Variants in PPP6R1 observed in about 807,000 individuals in gnomAD.
PPP6R1 encodes the protein serine/threonine-protein phosphatase 6 regulatory subunit 1.
Under a neutral mutation model 104.6 loss-of-function variants are expected in PPP6R1, and 39 were observed. The ratio of observed to expected loss-of-function variants is 0.37; its 90% confidence interval spans 0.29 to 0.49. PPP6R1 has a LOEUF of 0.49. Among genes scored for constraint, PPP6R1 ranks in the 20% least tolerant of loss-of-function variants. The pLI is 0.98. For synonymous variants in PPP6R1, 549 were observed against 479.0 expected, an observed-to-expected ratio of 1.15 and a Z score of -1.91; for missense variants, 1,181 against 1,155.8, an observed-to-expected ratio of 1.02 and a Z score of -0.32.
intron 15 of PPP6R1, among the ~76,000 whole-genome samples, chr19:55,237,343 C>T (rs576159991): frequency 2.0e-4 from 31 of 152,228 alleles, no homozygotes; most frequent in African/African-American, 7.5e-4. Flanking sequence ...CTGTAGGAGG[C>T]TGACACTCAC....
chr19:55,234,181 A>C (rs1568943726), intron 17 of PPP6R1, among the ~76,000 whole-genome samples: 1 of 152,192 alleles, frequency 6.6e-6, no homozygotes, highest in African/African-American at 2.4e-5. Flanking sequence ...TCCTGACCTC[A>C]GGTGATCCAT....
At chr19:55,247,988 G>T (rs2087524376) in intron 1 of PPP6R1, among the ~76,000 whole-genome samples, 1 of 152,208 alleles carries the variant, frequency 6.6e-6, no homozygotes, top group Non-Finnish European at 1.5e-5. Context: ...ACAGTGCCTG[G>T]TTCCTCAGCC....
Position 55,236,918 on chromosome 19 carries a change from C to T in PPP6R1, c.1804G>A (p.Glu602Lys), listed in dbSNP as rs981353466. 4 of 1,613,070 alleles carry T rather than the reference C, an allele frequency of 2.5e-6. No homozygotes were observed. Among genetic ancestry groups the T allele is most frequent in the African/African-American group, 2.7e-5 (2 of 74,906 alleles). ...GGGGACAGGGCAGTACTCACGTTCTCATCGTCAGCATTGAGGGAGAAGGTG... is the reference window on the plus strand; with the variant it reads ...GGGGACAGGGCAGTACTCACGTTCTTATCGTCAGCATTGAGGGAGAAGGTG... The part of the protein sequence containing the change: ...NITFSLNADD[E>K]NPNANLLEIC... The change falls in exon 16 of 24, where the codon GAG (glutamate) becomes AAG (lysine). Residue 602 changes from glutamate to lysine, a missense_variant. Transcript: ENST00000412770.
At chr19:55,248,020 C>T (rs755590491) in intron 1 of PPP6R1, among the ~76,000 whole-genome samples, 3 of 152,186 alleles carry the variant, frequency 2.0e-5, no homozygotes, top group Non-Finnish European at 2.9e-5. Flanking sequence ...CCTAAACGCT[C>T]GTGCATGGGA....
intron 1 of PPP6R1, among the ~76,000 whole-genome samples, chr19:55,255,504 G>A (rs1034746485): frequency 2.0e-5 from 3 of 152,038 alleles, no homozygotes; most frequent in Admixed American, 6.6e-5. Context: ...CCTCACAGAT[G>A]GGGTTACTAT....
Position 55,231,996 on chromosome 19 carries a change from G to C in PPP6R1, c.2126-14C>G, listed in dbSNP as rs778414814. 6.9e-6 allele frequency: 11 copies of C among 1,604,676 alleles called. No homozygotes were observed. The highest frequency in any genetic ancestry group is 3.3e-5 in the South Asian group (3 of 90,278). ...TCCAGCTGGGGCCTGGGATAGAGGTGGGGGAGCGGGATGGAGGGTGAACTC... is the reference window on the plus strand; with the variant it reads ...TCCAGCTGGGGCCTGGGATAGAGGTCGGGGAGCGGGATGGAGGGTGAACTC... On this transcript the variant is annotated splice_polypyrimidine_tract_variant and intron_variant, in intron 18 of 23. Coordinates refer to ENST00000412770, the MANE Select transcript of PPP6R1 (RefSeq NM_014931.4).
intron 1 of PPP6R1, among the ~76,000 whole-genome samples, chr19:55,248,967 G>C (rs1257788584): frequency 1.3e-5 from 2 of 152,208 alleles, no homozygotes; most frequent in Non-Finnish European, 2.9e-5. Context: ...TTGCAGTCCA[G>C]ACCTTGCTCC....
rs1442137964 is a variant in PPP6R1 at position 55,245,790 on chromosome 19, G to A, written c.228-112C>T. ...GCACTGGGTTTCTGGGAACTGCAGA[G>A]ACCCCTGTCCAGGAAGGGGAAAGGG... On this transcript the variant is annotated intron_variant, in intron 2 of 23. Coordinates refer to ENST00000412770, the MANE Select transcript of PPP6R1 (RefSeq NM_014931.4). This position sits in a 1 kb window ranked among gnomAD's most constrained non-coding sequence, Gnocchi z 6.4. The A allele has an allele frequency of 2.2e-6, 2 of 894,254 alleles. No individual in the cohort carries two copies. The highest frequency in any genetic ancestry group is 3.4e-6 in the Non-Finnish European group (2 of 587,916). The allele number at this position is 894,254 out of a possible 1,614,324, so 55.4% of individuals were successfully genotyped here.
In PPP6R1 at chr19:55,237,047, T is replaced by C. The variant is rs940603171; in HGVS notation, c.1752-77A>G. Reference sequence around the variant, plus strand: ...GCACAGGACAGGCCACATTTCTTTCTTCACTCAACACAGAGCTGACCCTCA... The same window carrying C: ...GCACAGGACAGGCCACATTTCTTTCCTCACTCAACACAGAGCTGACCCTCA... On this transcript the variant is annotated intron_variant, in intron 15 of 23. Coordinates refer to ENST00000412770, the MANE Select transcript of PPP6R1 (RefSeq NM_014931.4). The C allele has an allele frequency of 3.5e-6, 5 of 1,426,322 alleles. No homozygotes were observed. The African/African-American group carries it at 4.2e-5, about 12-fold the overall frequency. The allele number at this position is 1,426,322 out of a possible 1,614,324, so 88.4% of individuals were successfully genotyped here. A position where few individuals can be genotyped will look rare whatever the true frequency, so the allele number is the denominator to read the frequency against.
At chr19:55,228,865 G>A (rs2087311543), downstream of PPP6R1, 1 of 992,828 alleles carries the variant, frequency 1.0e-6, no homozygotes, top group South Asian at 1.5e-5. Flanking sequence ...TGATAACAGG[G>A]CCCAGGGAGA....
chr19:55,246,087 C>A (rs2087505704), intron 2 of PPP6R1, among the ~76,000 whole-genome samples: 1 of 152,182 alleles, frequency 6.6e-6, no homozygotes, highest in Non-Finnish European at 1.5e-5. Flanking sequence ...CAAACTTTCA[C>A]ACGGTGCCTG....
chr19:55,239,707 G>T (rs1386824968), intron 13 of PPP6R1, 24 bp from the exon 14 acceptor site: 2 of 1,598,514 alleles, frequency 1.3e-6, no homozygotes, highest in South Asian at 1.1e-5. Flanking sequence ...GGGGCGTCAG[G>T]GCCTGCTGGA....
rs143884461 is a variant in PPP6R1, at chr19:55,241,197, C to T, written c.1161+42G>A. ...CGAACCCTCAGCCCAGTCCAGTCCC[C>T]GCCCCAGCCCCTGAACCCCCAGCCC... is the stretch of plus-strand genomic sequence containing the variant. On this transcript the variant is annotated intron_variant, in intron 9 of 23. Coordinates refer to ENST00000412770, the MANE Select transcript of PPP6R1 (RefSeq NM_014931.4). This position sits in a 1 kb window ranked among gnomAD's most constrained non-coding sequence, Gnocchi z 5.4. 0.061 allele frequency: 91,111 copies of T among 1,499,992 alleles called. 3,107 individuals carry two copies. The highest frequency in any genetic ancestry group is 0.068 in the Non-Finnish European group (76,939 of 1,124,668). The allele number at this position is 1,499,992 out of a possible 1,614,324, so 92.9% of individuals were successfully genotyped here. A position where few individuals can be genotyped will look rare whatever the true frequency, so the allele number is the denominator to read the frequency against.
chr19:55,258,264 G>A (rs73621334), intron 1 of PPP6R1, among the ~76,000 whole-genome samples, 171 bp downstream of exon 1: 3,107 of 152,256 alleles, frequency 0.02, 115 homozygotes, highest in African/African-American at 0.07. Context: ...AGGGTCGAGG[G>A]GGAAGAAACG....
At position 55,245,102 on chromosome 19, in the gene PPP6R1, G is replaced by C; in HGVS notation, c.618+18C>G. On this transcript the variant is annotated intron_variant, in intron 5 of 23. Transcript: ENST00000412770. This position sits in a 1 kb window ranked among gnomAD's most constrained non-coding sequence, Gnocchi z 6.4. ...AGGAACTCTAAGGGGAATCCGCAGG[G>C]GCATCGGCAGCACTCACATTCTCAT... 6.2e-7 allele frequency: 1 copy of C among 1,612,492 alleles called. No individual in the cohort carries two copies. The highest frequency in any genetic ancestry group is 8.5e-7 in the Non-Finnish European group (1 of 1,179,384).
At chr19:55,246,779 A>C (rs2087512372) in intron 2 of PPP6R1, 98 bp downstream of exon 2, 1 of 1,159,738 alleles carries the variant, frequency 8.6e-7, no homozygotes, top group South Asian at 1.6e-5. Context: ...ACTGGAGTTT[A>C]CTGACACTGA....
At position 55,241,676 on chromosome 19, in the gene PPP6R1, G is replaced by C. The variant is rs2087459337; in HGVS notation, c.846-37C>G. The C allele has an allele frequency of 6.6e-7, 1 of 1,517,524 alleles. No individual in the cohort carries two copies. The highest frequency in any genetic ancestry group is 1.4e-5 in the African/African-American group (1 of 72,194). 94.0% of individuals were successfully genotyped at this position (1,517,524 alleles called of 1,614,324 possible). A position where few individuals can be genotyped will look rare whatever the true frequency, so the allele number is the denominator to read the frequency against. ...CAGGGTCGAAGGCGGAGTGAGCCTA[G>C]ATGGCCTGTGCGCCCACACAGGAGT... On this transcript the variant is annotated intron_variant, in intron 7 of 23. Transcript: ENST00000412770. The surrounding 1 kb of genome is among the most constrained non-coding windows in gnomAD (Gnocchi z 5.4).
chr19:55,232,519 A>G, intron 17 of PPP6R1: 1 of 369,692 alleles, frequency 2.7e-6, no homozygotes, highest in Non-Finnish European at 4.9e-6. Context: ...ACCAGAGCAG[A>G]CAGACCCACT....
At chr19:55,231,756 G>A (rs1249587661) in intron 19 of PPP6R1, 46 bp downstream of exon 19, 1 of 1,492,706 alleles carries the variant, frequency 6.7e-7, no homozygotes, top group Non-Finnish European at 8.9e-7. Flanking sequence ...CCACCTCCTG[G>A]CCTCGGGATA....
Sources: allele counts gnomAD v4.1 joint callset (sites outside exome capture counted in the v4.1 genomes callset), GRCh38; gene constraint gnomAD v4.1.1; non-coding constraint Gnocchi (gnomAD v3.1); transcripts MANE v1.5; gene names NCBI Gene and HGNC (gene_info 2026-07-23, HGNC 2026-07-21).